CPNE8: variants seen among roughly 807,000 people sequenced by gnomAD.
The protein encoded by CPNE8 is copine-8.
In CPNE8, 45 loss-of-function variants were observed where a neutral mutation model predicts 81.5. The ratio of observed to expected loss-of-function variants is 0.55; its 90% confidence interval spans 0.44 to 0.71. The LOEUF (loss-of-function observed/expected upper bound fraction) is 0.71. CPNE8 is among the 30% of genes least tolerant of loss of function. The pLI is 0.00. For synonymous variants in CPNE8, 252 were observed against 226.3 expected (o/e 1.11, Z -1.02); for missense variants, 594 against 672.1 (o/e 0.88, Z 1.28).
intron 17 of CPNE8, among the ~76,000 whole-genome samples, chr12:38,676,548 T>G (rs1411443859): frequency 4.0e-5 from 6 of 151,806 alleles, no homozygotes; most frequent in Non-Finnish European, 8.8e-5. Flanking sequence ...AAAAGCAATT[T>G]TCACAGTAAA....
chr12:38,781,471 T>A (rs1318125746), intron 6 of CPNE8, among the ~76,000 whole-genome samples: 1 of 152,008 alleles, frequency 6.6e-6, no homozygotes, highest in African/African-American at 2.4e-5. Flanking sequence ...TAAAACTAAT[T>A]CTATTGAAAA....
At chr12:38,672,512 T>C (rs2136645128) in intron 18 of CPNE8, among the ~76,000 whole-genome samples, 1 of 152,280 alleles carries the variant, frequency 6.6e-6, no homozygotes, top group South Asian at 2.1e-4. Flanking sequence ...TCTCCCACCA[T>C]TACCTCTTCC....
chr12:38,792,025 CTT>C (rs1942336661), intron 6 of CPNE8, among the ~76,000 whole-genome samples: 1 of 141,380 alleles, frequency 7.1e-6, no homozygotes, highest in African/African-American at 2.6e-5. Flanking sequence ...AAAAAAAAAA[CTT>C]GAGACAAATG....
chr12:38,665,775 A>G (rs1045604704), intron 19 of CPNE8, among the ~76,000 whole-genome samples: 1 of 152,184 alleles, frequency 6.6e-6, no homozygotes, highest in Non-Finnish European at 1.5e-5. Context: ...GCCTTTACGT[A>G]TATTGACTTA....
intron 19 of CPNE8, among the ~76,000 whole-genome samples, chr12:38,662,561 TA>T (rs1277109628): frequency 6.6e-6 from 1 of 152,182 alleles, no homozygotes; most frequent in Non-Finnish European, 1.5e-5. Flanking sequence ...ATGACCATAC[TA>T]CCCAAAGCAA....
At chr12:38,865,987 A>G (rs1248175422) in intron 3 of CPNE8, among the ~76,000 whole-genome samples, 1 of 152,206 alleles carries the variant, frequency 6.6e-6, no homozygotes, top group African/African-American at 2.4e-5. Flanking sequence ...ATACTATTTT[A>G]CGTCCTTTTC....
At chr12:38,722,068 T>C (rs1940578695) in intron 13 of CPNE8, among the ~76,000 whole-genome samples, 1 of 152,086 alleles carries the variant, frequency 6.6e-6, no homozygotes, top group South Asian at 2.1e-4. Flanking sequence ...CAGCAGGCCC[T>C]AGCAAACTCA....
chr12:38,801,844 C>T (rs1942680048), intron 6 of CPNE8, among the ~76,000 whole-genome samples: 1 of 99,822 alleles, frequency 1.0e-5, no homozygotes, highest in Admixed American at 1.2e-4. Context: ...CAAAAAAAGG[C>T]AGGGGTTGCA....
At chr12:38,906,009 C>T (rs1366957599), upstream of CPNE8, 5 of 990,160 alleles carry the variant, frequency 5.0e-6, no homozygotes, top group Non-Finnish European at 2.4e-6. Context: ...GCGACAGCTT[C>T]CTTCTGTCAA....
intron 17 of CPNE8, chr12:38,676,429 A>G (rs1592003279): frequency 2.9e-6 from 1 of 339,954 alleles, no homozygotes; most frequent in South Asian, 1.2e-4. Context: ...TCCTCTTTTC[A>G]TGTTCTTTCT....
intron 6 of CPNE8, among the ~76,000 whole-genome samples, chr12:38,784,479 C>G (rs1249261062): frequency 6.6e-6 from 1 of 152,126 alleles, no homozygotes; most frequent in Admixed American, 6.5e-5. Flanking sequence ...TAACTGAGAA[C>G]TTCCCAGACC....
chr12:38,887,281 C>A (rs1944249837), intron 1 of CPNE8, among the ~76,000 whole-genome samples: 1 of 152,060 alleles, frequency 6.6e-6, no homozygotes, highest in Non-Finnish European at 1.5e-5. Context: ...GAGATGCTCT[C>A]CAGGCAGGGG....
chr12:38,672,831 C>T (rs1198274941), intron 18 of CPNE8, among the ~76,000 whole-genome samples: 1 of 152,092 alleles, frequency 6.6e-6, no homozygotes, highest in African/African-American at 2.4e-5. Flanking sequence ...ATTCTTATTT[C>T]CTGTACCTTC....
At chr12:38,852,670 G>A (rs1310955423) in intron 3 of CPNE8, among the ~76,000 whole-genome samples, 1 of 152,052 alleles carries the variant, frequency 6.6e-6, no homozygotes, top group Non-Finnish European at 1.5e-5. Flanking sequence ...TGAAGGAACA[G>A]GACACAGACA....
chr12:38,793,329 T>TACAC (rs55794135), intron 6 of CPNE8, among the ~76,000 whole-genome samples: 22,093 of 148,936 alleles, frequency 0.15, 1,611 homozygotes, highest in Non-Finnish European at 0.16. Flanking sequence ...TTCTAAAAAT[T>TACAC]ACACACACAC....
At chr12:38,737,176 C>T (rs1426087386) in intron 10 of CPNE8, among the ~76,000 whole-genome samples, 1 of 151,426 alleles carries the variant, frequency 6.6e-6, no homozygotes, top group South Asian at 2.1e-4. Flanking sequence ...AAAAGCAGCA[C>T]TATTATAAAA....
rs1941589897 is a variant in CPNE8 at position 38,762,289 on chromosome 12, C to T, written c.576-73G>A. 5.4e-6 allele frequency: 4 copies of T among 737,072 alleles called. No homozygotes were observed. The African/African-American group carries it at 7.2e-5, about 13-fold the overall frequency. The allele number at this position is 737,072 out of a possible 1,614,324, so 45.7% of individuals were successfully genotyped here. A position where few individuals can be genotyped will look rare whatever the true frequency, so the allele number is the denominator to read the frequency against. ...TTGATCTATTGTTTTAGTAGCCATT[C>T]CTCTGCTTACTTTTTGTTCAGAATA... On this transcript the variant is annotated intron_variant, in intron 8 of 19. Coordinates refer to ENST00000331366, the MANE Select transcript of CPNE8 (RefSeq NM_153634.3).
In CPNE8 at chr12:38,798,334, C is replaced by G. The variant is rs1162250892; in HGVS notation, c.408-22033G>C. The stretch of plus-strand genomic sequence containing the variant: ...GTTACCCACAAAGGGAAGCCCATCA[C>G]ACTAACAGCTGATCTCTCCGCAGAA... On this transcript the variant is annotated intron_variant, in intron 6 of 19. Coordinates refer to ENST00000331366, the MANE Select transcript of CPNE8 (RefSeq NM_153634.3). 6.6e-5 allele frequency among the ~76,000 whole-genome samples: 10 copies of G among 152,158 alleles called. No homozygotes were observed. The East Asian group carries it at 1.2e-3, about 18-fold the overall frequency.
chr12:38,718,267 A>G (rs1940459555), intron 13 of CPNE8, among the ~76,000 whole-genome samples: 2 of 152,186 alleles, frequency 1.3e-5, no homozygotes, highest in Admixed American at 6.5e-5. Flanking sequence ...CAAGGTGTGA[A>G]TATTGCAGAA....
Sources: gnomAD v4.1 joint callset for allele counts (sites outside exome capture counted in the v4.1 genomes callset) on GRCh38, gnomAD v4.1.1 for gene constraint, MANE v1.5 for transcripts, NCBI Gene and HGNC (gene_info 2026-07-23, HGNC 2026-07-21) for gene names.